Variants in RANBP2 observed in about 807,000 individuals in gnomAD.
RANBP2 encodes RAN binding protein 2, also known as E3 SUMO-protein ligase RanBP2.
A neutral mutation model predicts 303.6 loss-of-function variants in RANBP2; 57 were observed. That is an observed-to-expected ratio of 0.19 (90% confidence interval 0.15 to 0.23). The LOEUF is 0.23. Among genes scored for constraint, RANBP2 ranks in the 10% least tolerant of loss-of-function variants. RANBP2 has a pLI of 1.00. For missense variants in RANBP2, 3,138 were observed against 3,780.8 expected (o/e 0.83, Z 4.46); for synonymous variants, 1,167 against 1,301.5 (o/e 0.90, Z 2.23).
the RANBP2 span, among the ~76,000 whole-genome samples, chr2:108,841,435 G>C: frequency 1.3e-5 from 2 of 151,686 alleles, no homozygotes; most frequent in Non-Finnish European, 2.9e-5. Flanking sequence ...TTTTGTAACT[G>C]TGTTCTTGTA....
At chr2:108,987,415 A>G in the RANBP2 span, among the ~76,000 whole-genome samples, 3 of 152,312 alleles carry the variant, frequency 2.0e-5, no homozygotes, top group East Asian at 5.8e-4. Context: ...GCTGCCGCCC[A>G]ATGGCAGGCA....
At chr2:109,343,645 TGGGTTGGGGCCAG>T in the RANBP2 span, among the ~76,000 whole-genome samples, 1 of 151,758 alleles carries the variant, frequency 6.6e-6, no homozygotes, top group African/African-American at 2.4e-5. Context: ...GCCCAGCAGG[TGGGTTGGGGCCAG>T]CAGGTGGGTT....
rs374902910 is a variant in RANBP2 at position 108,764,494 on chromosome 2, G to C, written c.3955G>C (p.Ala1319Pro). The C allele has an allele frequency of 1.0e-4, 166 of 1,613,808 alleles. No individual in the cohort carries two copies. The highest frequency in any genetic ancestry group is 1.0e-4 in the Admixed American group (6 of 59,974). The change falls in exon 20 of 29, where the codon GCT becomes CCT. Residue 1319 changes from alanine (A) to proline (P), a missense_variant. Transcript: ENST00000283195. ...AAATGTAGCCATGGCGTCAAATCAG[G>C]CTGTCAGAATTGTAAAAGAACCCAC... Reference protein sequence around the residue: ...GTNVAMASNQAVRIVKEPTSH... With the variant: ...GTNVAMASNQPVRIVKEPTSH...
At chr2:109,042,528 C>T in the RANBP2 span, among the ~76,000 whole-genome samples, 1 of 152,148 alleles carries the variant, frequency 6.6e-6, no homozygotes, top group Non-Finnish European at 1.5e-5. Flanking sequence ...CTGTCAAAAA[C>T]ACCATTAGTC....
At chr2:109,629,197 GT>G in the RANBP2 span, among the ~76,000 whole-genome samples, 2 of 41,840 alleles carry the variant, frequency 4.8e-5, no homozygotes, top group East Asian at 8.9e-4. Context: ...GCAAGACTCC[GT>G]CTCAAAAATA....
chr2:109,453,548 C>T, the RANBP2 span, among the ~76,000 whole-genome samples: 2 of 152,110 alleles, frequency 1.3e-5, no homozygotes, highest in African/African-American at 4.8e-5. Flanking sequence ...CAATGGGCTG[C>T]GTGCAGTTGG....
the RANBP2 span, chr2:108,876,323 A>G: frequency 2.4e-6 from 2 of 847,882 alleles, no homozygotes; most frequent in Non-Finnish European, 3.6e-6. Flanking sequence ...CAAAGTAACT[A>G]CAATTCTACC....
intron 7 of RANBP2, among the ~76,000 whole-genome samples, 170 bp from the exon 8 acceptor site, chr2:108,746,541 G>A (rs1696534329): frequency 6.8e-6 from 1 of 146,988 alleles, no homozygotes; most frequent in Non-Finnish European, 1.5e-5. Context: ...TCTTTCATAG[G>A]TTATATAAAT....
chr2:109,321,320 T>C, the RANBP2 span, among the ~76,000 whole-genome samples: 1 of 152,242 alleles, frequency 6.6e-6, no homozygotes, highest in Non-Finnish European at 1.5e-5. Context: ...GTAGAGCAAA[T>C]GTGGCATGCA....
chr2:109,726,840 C>T, the RANBP2 span, among the ~76,000 whole-genome samples: 12 of 152,090 alleles, frequency 7.9e-5, no homozygotes, highest in Non-Finnish European at 4.4e-5. Flanking sequence ...TTGGGGCCTC[C>T]CAGGAGATCC....
At chr2:109,439,050 A>T in the RANBP2 span, among the ~76,000 whole-genome samples, 2 of 152,184 alleles carry the variant, frequency 1.3e-5, no homozygotes, top group Non-Finnish European at 2.9e-5. Context: ...GTCTTTCCAC[A>T]CCAAGCCTTG....
the RANBP2 span, among the ~76,000 whole-genome samples, chr2:108,886,901 T>C: frequency 3.9e-5 from 6 of 152,244 alleles, no homozygotes; most frequent in Non-Finnish European, 7.3e-5. Flanking sequence ...TAGTTTATTA[T>C]AATCCTATTT....
At chr2:109,699,730 A>G in the RANBP2 span, among the ~76,000 whole-genome samples, 6 of 152,164 alleles carry the variant, frequency 3.9e-5, no homozygotes, top group African/African-American at 1.2e-4. Flanking sequence ...TGTGGCATGC[A>G]CAGCTCAAAC....
chr2:108,994,026 C>A, the RANBP2 span, among the ~76,000 whole-genome samples: 1 of 152,162 alleles, frequency 6.6e-6, no homozygotes, highest in Non-Finnish European at 1.5e-5. Flanking sequence ...ATGACCTAAT[C>A]ACCTCCCAAA....
the RANBP2 span, among the ~76,000 whole-genome samples, chr2:109,213,511 G>A: frequency 6.6e-6 from 1 of 152,190 alleles, no homozygotes; most frequent in Admixed American, 6.5e-5. Context: ...CTGGAGAAGG[G>A]CATATCTGCC....
chr2:109,030,321 T>G, the RANBP2 span, among the ~76,000 whole-genome samples: 2 of 152,212 alleles, frequency 1.3e-5, no homozygotes, highest in Non-Finnish European at 2.9e-5. Context: ...AGCCAAATTA[T>G]GGTATGCTAC....
At chr2:109,610,630 C>T in the RANBP2 span, among the ~76,000 whole-genome samples, 1 of 152,006 alleles carries the variant, frequency 6.6e-6, no homozygotes, top group Admixed American at 6.5e-5. Context: ...GTAGGAGAAT[C>T]GCTTGAACCA....
the RANBP2 span, among the ~76,000 whole-genome samples, chr2:109,183,140 G>T: frequency 1.3e-5 from 2 of 152,202 alleles, no homozygotes; most frequent in Admixed American, 1.3e-4. Context: ...AAACTGTCCA[G>T]CACTGTCCAA....
intron 6 of RANBP2, among the ~76,000 whole-genome samples, chr2:108,737,871 GCT>G (rs1695740112): frequency 1.9e-5 from 2 of 103,020 alleles, no homozygotes; most frequent in Admixed American, 1.9e-4. Flanking sequence ...CCACCACCAC[GCT>G]CCGCTAATTT....
Sources: gnomAD v4.1 joint callset for allele counts (sites outside exome capture counted in the v4.1 genomes callset) on GRCh38, gnomAD v4.1.1 for gene constraint, MANE v1.5 for transcripts, NCBI Gene and HGNC (gene_info 2026-07-23, HGNC 2026-07-21) for gene names.